The following PCDHA1 variants were observed in gnomAD, a reference collection of about 807,000 sequenced individuals.
The protein encoded by PCDHA1 is protocadherin alpha 1.
In PCDHA1, 42 loss-of-function variants were observed where a neutral mutation model predicts 61.3. The observed-to-expected ratio is 0.69, with a 90% CI of 0.54 to 0.89. The LOEUF (loss-of-function observed/expected upper bound fraction) is 0.89, where lower values mean the gene tolerates loss of function less well. PCDHA1 is among the 40% of genes least tolerant of loss of function. The pLI is 0.00. For synonymous variants in PCDHA1, 610 were observed against 553.8 expected, an observed-to-expected ratio of 1.10 and a Z score of -1.43; for missense variants, 1,256 against 1,235.3, an observed-to-expected ratio of 1.02 and a Z score of -0.25.
intron 1 of PCDHA1, chr5:140,828,810 C>G: frequency 3.1e-6 from 5 of 1,614,142 alleles, no homozygotes; most frequent in Non-Finnish European, 4.2e-6. Context: ...GATAATGCTC[C>G]CACTTTCGAA....
chr5:140,998,596 C>G (rs1301065712), intron 3 of PCDHA1, among the ~76,000 whole-genome samples: 1 of 148,578 alleles, frequency 6.7e-6, no homozygotes, highest in Non-Finnish European at 1.5e-5. Flanking sequence ...CAGAGTTTTG[C>G]TCTTGTTGCC....
chr5:140,821,628 A>G (rs1767016951), intron 1 of PCDHA1: 2 of 935,326 alleles, frequency 2.1e-6, no homozygotes, highest in Non-Finnish European at 3.1e-6. Flanking sequence ...TTCCTTAGAC[A>G]GAAAGGAAAA....
intron 1 of PCDHA1, chr5:140,835,447 T>C (rs2150235866): frequency 2.5e-6 from 4 of 1,613,910 alleles, no homozygotes; most frequent in East Asian, 2.2e-5. Context: ...CTCACTTCCC[T>C]GTCTCTCCCT....
intron 1 of PCDHA1, chr5:140,883,404 C>A: frequency 6.2e-7 from 1 of 1,614,222 alleles, no homozygotes; most frequent in Non-Finnish European, 8.5e-7. Context: ...GATCGTGACT[C>A]TGGCTCAAAT....
At chr5:140,923,151 T>A (rs1239888412) in intron 1 of PCDHA1, among the ~76,000 whole-genome samples, 3 of 152,108 alleles carry the variant, frequency 2.0e-5, no homozygotes, top group Non-Finnish European at 4.4e-5. Context: ...ATAAAAAAAA[T>A]TATAGAAAGA....
intron 1 of PCDHA1, among the ~76,000 whole-genome samples, chr5:140,798,242 G>A (rs566180923): frequency 6.6e-6 from 1 of 152,190 alleles, no homozygotes; most frequent in East Asian, 1.9e-4. Context: ...ATGTAGCACA[G>A]GTTGTTACAA....
intron 1 of PCDHA1, among the ~76,000 whole-genome samples, chr5:140,806,603 A>C (rs1253331970): frequency 6.6e-6 from 1 of 151,862 alleles, no homozygotes; most frequent in African/African-American, 2.4e-5. Flanking sequence ...CCTAGAGACC[A>C]GTCCCCTCAA....
At chr5:140,915,682 G>A (rs1239251164) in intron 1 of PCDHA1, among the ~76,000 whole-genome samples, 1 of 151,322 alleles carries the variant, frequency 6.6e-6, no homozygotes, top group Admixed American at 6.6e-5. Context: ...CTTGAACTAG[G>A]GGTATGGTGA....
intron 1 of PCDHA1, among the ~76,000 whole-genome samples, chr5:140,917,076 T>C (rs986884478): frequency 1.3e-5 from 2 of 152,124 alleles, no homozygotes; most frequent in East Asian, 3.9e-4. Flanking sequence ...CCGAGTTTAA[T>C]GTAAAGTTCC....
At chr5:140,945,722 A>G (rs2093833983) in intron 1 of PCDHA1, among the ~76,000 whole-genome samples, 1 of 152,110 alleles carries the variant, frequency 6.6e-6, no homozygotes, top group African/African-American at 2.4e-5. Context: ...TCAAGAATAT[A>G]CAATGGAAAA....
intron 1 of PCDHA1, chr5:140,930,420 A>G (rs996872425): frequency 1.3e-5 from 2 of 151,962 alleles, no homozygotes; most frequent in Non-Finnish European, 2.9e-5. Context: ...CAGGGGTCTC[A>G]CTATGTTGCC....
At chr5:140,969,592 A>G (rs547411191) in intron 1 of PCDHA1, 72 of 829,536 alleles carry the variant, frequency 8.7e-5, no homozygotes, top group Middle Eastern at 3.7e-4. Context: ...TAGTCTTAAT[A>G]TTTAATGCTA....
chr5:140,799,212 A>T (rs1328524413), intron 1 of PCDHA1, among the ~76,000 whole-genome samples: 1 of 152,102 alleles, frequency 6.6e-6, no homozygotes, highest in Non-Finnish European at 1.5e-5. Flanking sequence ...TTCTAAACTC[A>T]TAGTTCCTTT....
chr5:140,804,713 T>G, intron 1 of PCDHA1: 1 of 173,596 alleles, frequency 5.8e-6, no homozygotes, highest in South Asian at 1.9e-4. Flanking sequence ...AAGGTAGACT[T>G]TTTTCTAATC....
chr5:140,807,934 G>A, intron 1 of PCDHA1: 1 of 1,614,090 alleles, frequency 6.2e-7, no homozygotes, highest in Non-Finnish European at 8.5e-7. Context: ...TTTATAAGGT[G>A]AGATTACTAG....
chr5:140,829,777 G>T (rs1554132235), intron 1 of PCDHA1: 4 of 1,613,626 alleles, frequency 2.5e-6, no homozygotes, highest in African/African-American at 1.3e-5. Context: ...ACGACAACGC[G>T]CCGGCGCTGC....
chr5:140,826,724 C>A (rs144963704), intron 1 of PCDHA1, among the ~76,000 whole-genome samples: 1 of 152,130 alleles, frequency 6.6e-6, no homozygotes, highest in Non-Finnish European at 1.5e-5. Flanking sequence ...AGAGGAAGAG[C>A]AAGTGGTCTA....
At chr5:140,967,845 A>G in intron 1 of PCDHA1, 3 of 1,614,160 alleles carry the variant, frequency 1.9e-6, no homozygotes, top group Non-Finnish European at 2.5e-6. Flanking sequence ...GACGTGAATG[A>G]CAATGCCCCA....
chr5:140,853,569 G>A lies in PCDHA1; in HGVS notation c.2394+64885G>A. On this transcript the variant is annotated intron_variant, in intron 1 of 3. Transcript: ENST00000504120. ...ATTACTATATAGGAAAAACTAAGTT[G>A]TCACCCAATATCTTAGACACTTTGA... 1.3e-5 allele frequency: 13 copies of A among 981,402 alleles called. 1 individual carries two copies. The highest frequency in any genetic ancestry group is 1.6e-5 in the Non-Finnish European group (13 of 813,896). 60.8% of individuals were successfully genotyped at this position (981,402 alleles called of 1,614,324 possible).
Sources: gnomAD v4.1 joint callset for allele counts (sites outside exome capture counted in the v4.1 genomes callset) on GRCh38, gnomAD v4.1.1 for gene constraint, MANE v1.5 for transcripts, NCBI Gene and HGNC (gene_info 2026-07-23, HGNC 2026-07-21) for gene names.